The following SYT1 variants were observed in gnomAD, a reference collection of about 807,000 sequenced individuals.
SYT1 encodes synaptotagmin-1.
A neutral mutation model predicts 44.8 loss-of-function variants in SYT1; 8 were observed. The ratio of observed to expected loss-of-function variants is 0.18; its 90% CI spans 0.10 to 0.32. The LOEUF is 0.32. SYT1 is among the 10% of genes least tolerant of loss of function. SYT1 has a pLI of 1.00. For synonymous variants in SYT1, 154 were observed against 188.8 expected (o/e 0.82, Z 1.51); for missense variants, 286 against 509.3 (o/e 0.56, Z 4.22).
chr12:78,972,539 ATAT>A (rs769272981), intron 1 of SYT1, among the ~76,000 whole-genome samples: 1 of 148,904 alleles, frequency 6.7e-6, no homozygotes. Flanking sequence ...CAAAAAAAAA[ATAT>A]ATATATATAT....
At chr12:79,045,249 A>C (rs1419096327) in intron 2 of SYT1, among the ~76,000 whole-genome samples, 1 of 152,094 alleles carries the variant, frequency 6.6e-6, no homozygotes, top group Non-Finnish European at 1.5e-5. Context: ...TTGATCTCAG[A>C]CTGCTGTGCT....
At chr12:78,916,565 G>A (rs188319685) in intron 1 of SYT1, among the ~76,000 whole-genome samples, 2 of 151,622 alleles carry the variant, frequency 1.3e-5, no homozygotes, top group Non-Finnish European at 2.9e-5. Flanking sequence ...TGATCTGTTC[G>A]CTTGAACCAT....
chr12:79,140,831 G>T (rs138015948), intron 3 of SYT1, among the ~76,000 whole-genome samples: 33 of 152,248 alleles, frequency 2.2e-4, no homozygotes, highest in African/African-American at 7.5e-4. Flanking sequence ...CTAACAGATT[G>T]CCAGCACCCC....
chr12:78,890,415 G>A (rs777954297), intron 1 of SYT1, among the ~76,000 whole-genome samples: 2 of 151,858 alleles, frequency 1.3e-5, no homozygotes, highest in Non-Finnish European at 2.9e-5. Flanking sequence ...GGGAAGGATA[G>A]CATTAGTAGA....
intron 4 of SYT1, among the ~76,000 whole-genome samples, chr12:79,262,909 T>TA (rs747505393): frequency 1.3e-5 from 2 of 152,102 alleles, no homozygotes; most frequent in African/African-American, 2.4e-5. Flanking sequence ...ACAAAAAAGA[T>TA]AGAGTACATA....
intron 1 of SYT1, among the ~76,000 whole-genome samples, chr12:78,908,459 A>C (rs984821262): frequency 1.3e-5 from 2 of 151,846 alleles, no homozygotes; most frequent in African/African-American, 4.8e-5. Flanking sequence ...AAGAAACCAG[A>C]AGCTCAGGCT....
At chr12:79,313,612 A>AG (rs1375018483) in intron 8 of SYT1, among the ~76,000 whole-genome samples, 1 of 151,712 alleles carries the variant, frequency 6.6e-6, no homozygotes, top group Non-Finnish European at 1.5e-5. Context: ...GCAAAAAAAA[A>AG]AAAAAACAAA....
chr12:79,283,272 T>A (rs752003261), intron 4 of SYT1, among the ~76,000 whole-genome samples: 31 of 152,294 alleles, frequency 2.0e-4, no homozygotes, highest in Non-Finnish European at 1.5e-4. Context: ...ATTCAGAAGA[T>A]CAACTGAAGG....
rs1874981960 is a variant in SYT1 at position 78,890,359 on chromosome 12, G to T, written c.-217+25250G>T. On this transcript the variant is annotated intron_variant, in intron 1 of 10. Coordinates refer to ENST00000261205, the MANE Select transcript of SYT1 (RefSeq NM_005639.3). ...GTATTTTAGATCAAGAAACAACAGG[G>T]TGGGGAACATCACACACTGGGGCCT... is the stretch of plus-strand genomic sequence containing the variant. Among the ~76,000 whole-genome samples the T allele has an allele frequency of 4.6e-5, 7 of 151,734 alleles. No homozygotes were observed. In the South Asian group the frequency reaches 1.5e-3, roughly 31 times the overall value.
intron 9 of SYT1, among the ~76,000 whole-genome samples, chr12:79,379,143 A>G (rs1461288783): frequency 6.6e-6 from 1 of 152,108 alleles, no homozygotes; most frequent in East Asian, 1.9e-4. Context: ...TTCTGTTCTG[A>G]GAGCATGGTT....
chr12:79,401,992 G>A (rs2136115733), intron 9 of SYT1, among the ~76,000 whole-genome samples: 2 of 152,194 alleles, frequency 1.3e-5, no homozygotes, highest in Admixed American at 1.3e-4. Context: ...AAACTCAAAC[G>A]TTTTTAGGAA....
intron 2 of SYT1, among the ~76,000 whole-genome samples, chr12:79,043,535 G>T (rs1436853441): frequency 6.6e-6 from 1 of 150,682 alleles, no homozygotes; most frequent in Non-Finnish European, 1.5e-5. Flanking sequence ...CATGTGAGAT[G>T]GGTTTCCTGA....
chr12:79,405,311 A>C (rs1297380072), intron 9 of SYT1, among the ~76,000 whole-genome samples: 1 of 152,114 alleles, frequency 6.6e-6, no homozygotes, highest in African/African-American at 2.4e-5. Flanking sequence ...TTAAACCCCA[A>C]AATTCCAAAC....
chr12:78,963,235 G>C (rs975347794), intron 1 of SYT1, among the ~76,000 whole-genome samples: 1 of 151,884 alleles, frequency 6.6e-6, no homozygotes, highest in Non-Finnish European at 1.5e-5. Flanking sequence ...GTTTATCATA[G>C]GGAAAAACAT....
chr12:79,011,227 A>G (rs1396191366), intron 2 of SYT1, among the ~76,000 whole-genome samples: 2 of 152,194 alleles, frequency 1.3e-5, no homozygotes, highest in South Asian at 2.1e-4. Context: ...TTTTCATGCA[A>G]TAAGTATTTA....
intron 3 of SYT1, among the ~76,000 whole-genome samples, chr12:79,207,030 TC>T (rs1226779403): frequency 6.6e-6 from 1 of 152,194 alleles, no homozygotes; most frequent in African/African-American, 2.4e-5. Flanking sequence ...CTTAGTTTCT[TC>T]AAAGTTTTTC....
intron 9 of SYT1, among the ~76,000 whole-genome samples, chr12:79,433,554 C>CAAAAAA (rs551617125): frequency 6.7e-6 from 1 of 149,328 alleles, no homozygotes; most frequent in African/African-American, 2.5e-5. Context: ...ACCTATATCT[C>CAAAAAA]AAAAAAAAAA....
intron 8 of SYT1, among the ~76,000 whole-genome samples, chr12:79,341,846 T>G (rs1690368728): frequency 6.6e-6 from 1 of 151,800 alleles, no homozygotes; most frequent in Non-Finnish European, 1.5e-5. Flanking sequence ...TTTTTTGTAT[T>G]TTTAGTAGAG....
chr12:79,373,578 A>G (rs1883877752), intron 9 of SYT1, among the ~76,000 whole-genome samples: 1 of 152,160 alleles, frequency 6.6e-6, no homozygotes, highest in South Asian at 2.1e-4. Context: ...TTATTTCAAC[A>G]CTTAGTTTTA....
Sources: gnomAD v4.1 joint callset for allele counts (sites outside exome capture counted in the v4.1 genomes callset) on GRCh38, gnomAD v4.1.1 for gene constraint, MANE v1.5 for transcripts, NCBI Gene and HGNC (gene_info 2026-07-23, HGNC 2026-07-21) for gene names.